Variants in ZNF441 observed in about 807,000 individuals in gnomAD.
ZNF441 encodes zinc finger protein 441.
In ZNF441, 25 loss-of-function variants were observed where a neutral mutation model predicts 64.5. That is an observed-to-expected ratio of 0.39 (90% CI 0.28 to 0.54). The LOEUF (loss-of-function observed/expected upper bound fraction) is 0.54. Ranked by LOEUF, ZNF441 falls within the 20% of genes least tolerant of loss-of-function variation. The probability of loss-of-function intolerance (pLI) is 0.70; values close to 1 mark genes in which losing one functional copy is unlikely to be tolerated. For synonymous variants in ZNF441, 262 were observed against 268.0 expected, an observed-to-expected ratio of 0.98 and a Z score of 0.22; for missense variants, 715 against 843.3, an observed-to-expected ratio of 0.85 and a Z score of 1.88.
intron 1 of ZNF441, among the ~76,000 whole-genome samples, chr19:11,772,070 G>A (rs974460538): frequency 2.0e-5 from 3 of 152,328 alleles, no homozygotes; most frequent in African/African-American, 4.8e-5. Flanking sequence ...AAATAATGGC[G>A]TAAGCTGTCT....
intron 1 of ZNF441, among the ~76,000 whole-genome samples, chr19:11,770,467 T>C (rs762167743): frequency 1.2e-4 from 18 of 152,200 alleles, no homozygotes; most frequent in Non-Finnish European, 2.5e-4. Context: ...CCTCTGCTTG[T>C]ATTTTCTGAA....
intron 1 of ZNF441, among the ~76,000 whole-genome samples, chr19:11,769,608 CA>C (rs1975297166): frequency 6.6e-6 from 1 of 152,136 alleles, no homozygotes; most frequent in Non-Finnish European, 1.5e-5. Context: ...ATTCATTTCT[CA>C]AAGCTATAAA....
chr19:11,769,827 C>T (rs1441614996), intron 1 of ZNF441, among the ~76,000 whole-genome samples: 1 of 152,058 alleles, frequency 6.6e-6, no homozygotes, highest in Non-Finnish European at 1.5e-5. Flanking sequence ...AGGCACATGC[C>T]ACCACCCCAG....
At chr19:11,773,672 T>C (rs1599268698) in intron 1 of ZNF441, among the ~76,000 whole-genome samples, 1 of 152,212 alleles carries the variant, frequency 6.6e-6, no homozygotes, top group East Asian at 1.9e-4. Context: ...TTATGTCTTG[T>C]AGGATTGATC....
chr19:11,777,286 T>C (rs1455671031), intron 1 of ZNF441, among the ~76,000 whole-genome samples: 1 of 151,862 alleles, frequency 6.6e-6, no homozygotes, highest in Non-Finnish European at 1.5e-5. Flanking sequence ...TTTTGCACAA[T>C]AGGTAGTAGG....
chr19:11,777,649 C>T lies in ZNF441; in HGVS notation c.42C>T (p.Thr14=). Residue 14 remains threonine (T), a synonymous_variant, in exon 2 of 4, where the codon ACC becomes ACT. Coordinates refer to ENST00000357901, the MANE Select transcript of ZNF441 (RefSeq NM_152355.3). ...TTGAGGATGTGGCTATAAACTTCAC[C>T]TGTGAGGAGTGGGCTTTGCTGGGTC... ...VAFEDVAINF[T]CEEWALLGPS... 1.2e-6 allele frequency: 2 copies of T among 1,613,586 alleles called. No homozygotes were observed. The highest frequency in any genetic ancestry group is 1.7e-6 in the Non-Finnish European group (2 of 1,179,720).
intron 1 of ZNF441, among the ~76,000 whole-genome samples, chr19:11,770,980 A>G (rs1975309306): frequency 1.3e-5 from 2 of 152,196 alleles, no homozygotes; most frequent in South Asian, 4.1e-4. Context: ...GCAAAGATAT[A>G]TAACCAATGC....
At chr19:11,771,047 G>A (rs904271016) in intron 1 of ZNF441, among the ~76,000 whole-genome samples, 1 of 152,016 alleles carries the variant, frequency 6.6e-6, no homozygotes, top group African/African-American at 2.4e-5. Context: ...CATGTAAATC[G>A]AGCAGAGGAA....
intron 1 of ZNF441, among the ~76,000 whole-genome samples, chr19:11,774,005 C>G (rs1975335805): frequency 6.6e-6 from 1 of 151,994 alleles, no homozygotes; most frequent in Admixed American, 6.6e-5. Context: ...TCCACTTTCT[C>G]CTTTCTGCCT....
At chr19:11,770,898 A>G (rs575462468) in intron 1 of ZNF441, among the ~76,000 whole-genome samples, 21 of 151,262 alleles carry the variant, frequency 1.4e-4, no homozygotes, top group African/African-American at 5.1e-4. Flanking sequence ...CTACCACTGC[A>G]CTATAGCCTG....
Position 11,767,356 on chromosome 19 carries a change from C to T in ZNF441, c.3+160C>T, listed in dbSNP as rs988340282. On this transcript the variant is annotated intron_variant, in intron 1 of 3. Coordinates refer to ENST00000357901, the MANE Select transcript of ZNF441 (RefSeq NM_152355.3). This position sits in a 1 kb window ranked among gnomAD's most constrained non-coding sequence, Gnocchi z 5.1. ...CGCACGATGGGGCTGGGGCGGCAGC[C>T]GGGACCCCGGGCGTCCTGTCCCGTC... Among the ~76,000 whole-genome samples the T allele has an allele frequency of 2.0e-5, 3 of 152,160 alleles. No individual in the cohort carries two copies. Among genetic ancestry groups the T allele is most frequent in the African/African-American group, 4.8e-5 (2 of 41,446 alleles).
rs1382258641 is a variant in ZNF441, at chr19:11,767,038, C to G, written c.-156C>G. On this transcript the variant is annotated 5_prime_UTR_variant, in exon 1 of 4. Coordinates refer to ENST00000357901, the MANE Select transcript of ZNF441 (RefSeq NM_152355.3). The surrounding 1 kb of genome is among the most constrained non-coding windows in gnomAD (Gnocchi z 5.1). The stretch of plus-strand genomic sequence containing the variant: ...ACTGACCGGAGGAGGGTGCAAGGTT[C>G]AAAGAGCCCGCCGAGTCTTCTCCAC... 6.1e-6 allele frequency: 7 copies of G among 1,153,944 alleles called. No individual in the cohort carries two copies. In the Admixed American group the frequency reaches 1.1e-4, roughly 18 times the overall value. 71.5% of individuals were successfully genotyped at this position (1,153,944 alleles called of 1,614,324 possible).
intron 1 of ZNF441, among the ~76,000 whole-genome samples, chr19:11,776,574 CAT>C (rs1258568696): frequency 6.6e-6 from 1 of 152,168 alleles, no homozygotes; most frequent in African/African-American, 2.4e-5. Flanking sequence ...TTTCTAAGAA[CAT>C]ATGCAATCTT....
At chr19:11,771,780 C>T (rs896701678) in intron 1 of ZNF441, among the ~76,000 whole-genome samples, 1 of 152,136 alleles carries the variant, frequency 6.6e-6, no homozygotes, top group Non-Finnish European at 1.5e-5. Flanking sequence ...CTAGCGGTAG[C>T]AAAAAGTGTC....
At chr19:11,774,130 A>G (rs371984629) in intron 1 of ZNF441, among the ~76,000 whole-genome samples, 5 of 152,288 alleles carry the variant, frequency 3.3e-5, no homozygotes, top group East Asian at 1.9e-4. Context: ...GTAGAATACT[A>G]TTCACAACTA....
At chr19:11,770,965 A>G (rs138817702) in intron 1 of ZNF441, among the ~76,000 whole-genome samples, 501 of 152,270 alleles carry the variant, frequency 3.3e-3, no homozygotes, top group Non-Finnish European at 5.4e-3. Context: ...TGCAATCTCT[A>G]GAAAGCAAAG....
intron 2 of ZNF441, chr19:11,778,101 C>A: frequency 2.1e-6 from 1 of 478,876 alleles, no homozygotes; most frequent in African/African-American, 2.0e-5. Context: ...TTCTGATTGT[C>A]TTTACATTGA....
At position 11,780,837 on chromosome 19, in the gene ZNF441, G is replaced by A. The variant is rs758107964; in HGVS notation, c.1013G>A (p.Cys338Tyr). The stretch of plus-strand genomic sequence containing the variant: ...CACACTGGAGAGAAACCGTATGAAT[G>A]TAAGTATTGTGGGAAAGCATTCTCT... ...RTHTGEKPYECKYCGKAFSDC... is the reference protein window; with the variant it reads ...RTHTGEKPYEYKYCGKAFSDC... The change falls in exon 4 of 4, where the codon TGT (cysteine) becomes TAT (tyrosine). Residue 338 changes from cysteine (C) to tyrosine (Y), a missense_variant. Transcript: ENST00000357901. 6.2e-7 allele frequency: 1 copy of A among 1,614,144 alleles called. No individual in the cohort carries two copies.
chr19:11,780,890 A>G lies in ZNF441; in HGVS notation c.1066A>G (p.Ile356Val), dbSNP rs1975396376. Reference sequence around the variant, plus strand: ...TTGCACAGGTTTTCGAAGACACATGATAACGCACACTGGAGATGGACCTCA... The same window carrying G: ...TTGCACAGGTTTTCGAAGACACATGGTAACGCACACTGGAGATGGACCTCA... The part of the protein sequence containing the change: ...SDCTGFRRHM[I>V]THTGDGPHKC... Residue 356 changes from isoleucine (I) to valine (V), a missense_variant, in exon 4 of 4, where the codon ATA becomes GTA. By Grantham distance (29) the Ile-to-Val change is conservative. Transcript: ENST00000357901. 6.2e-7 allele frequency: 1 copy of G among 1,614,042 alleles called. No individual in the cohort carries two copies. Among genetic ancestry groups the G allele is most frequent in the South Asian group, 1.1e-5 (1 of 91,090 alleles).
Sources: gnomAD v4.1 joint callset for allele counts (sites outside exome capture counted in the v4.1 genomes callset) on GRCh38, gnomAD v4.1.1 for gene constraint, Gnocchi (gnomAD v3.1) non-coding constraint, MANE v1.5 for transcripts, NCBI Gene and HGNC (gene_info 2026-07-23, HGNC 2026-07-21) for gene names.